CNTN4: variants seen among roughly 807,000 people sequenced by gnomAD.
CNTN4 encodes contactin 4.
A neutral mutation model predicts 122.5 loss-of-function variants in CNTN4; 77 were observed. The observed-to-expected ratio is 0.63, with a 90% CI of 0.52 to 0.76. The LOEUF (loss-of-function observed/expected upper bound fraction) is 0.76, where lower values mean the gene tolerates loss of function less well. Ranked by LOEUF, CNTN4 falls within the 30% of genes least tolerant of loss-of-function variation. The pLI is 0.00. For synonymous variants in CNTN4, 512 were observed against 447.0 expected, an observed-to-expected ratio of 1.15 and a Z score of -1.83; for missense variants, 1,256 against 1,259.1, an observed-to-expected ratio of 1.00 and a Z score of 0.04.
chr3:3,036,304 CTG>C (rs1281600897), intron 17 of CNTN4, among the ~76,000 whole-genome samples: 1 of 152,068 alleles, frequency 6.6e-6, no homozygotes, highest in Non-Finnish European at 1.5e-5. Context: ...AAATGGGTTT[CTG>C]TGTTTCCTTC....
At chr3:2,445,517 A>G (rs1352409560) in intron 3 of CNTN4, among the ~76,000 whole-genome samples, 1 of 152,178 alleles carries the variant, frequency 6.6e-6, no homozygotes, top group East Asian at 1.9e-4. Context: ...CGCTTGAAAA[A>G]CATTTTATAT....
intron 2 of CNTN4, among the ~76,000 whole-genome samples, chr3:2,122,055 T>G (rs1414814095): frequency 6.6e-6 from 1 of 151,230 alleles, no homozygotes; most frequent in Non-Finnish European, 1.5e-5. Flanking sequence ...CTCGGGAGGC[T>G]GAGGCAGGAG....
At chr3:2,474,306 A>G (rs2075777740) in intron 3 of CNTN4, among the ~76,000 whole-genome samples, 1 of 152,190 alleles carries the variant, frequency 6.6e-6, no homozygotes, top group Non-Finnish European at 1.5e-5. Context: ...TGCTTGGGGC[A>G]TGCAGCTTAA....
chr3:2,995,738 G>T (rs531670952), intron 14 of CNTN4, among the ~76,000 whole-genome samples: 1 of 152,270 alleles, frequency 6.6e-6, no homozygotes, highest in East Asian at 1.9e-4. Flanking sequence ...ACATCTAACA[G>T]TACCTTTTGT....
chr3:2,858,181 C>T (rs2093635930), intron 7 of CNTN4, among the ~76,000 whole-genome samples: 1 of 152,188 alleles, frequency 6.6e-6, no homozygotes, highest in African/African-American at 2.4e-5. Flanking sequence ...AACAGTGTTT[C>T]TCAGAGTGTG....
intron 6 of CNTN4, among the ~76,000 whole-genome samples, chr3:2,749,132 A>AAC (rs756144313): frequency 3.5e-4 from 53 of 152,120 alleles, no homozygotes; most frequent in Non-Finnish European, 5.6e-4. Context: ...ACTTTTACAT[A>AAC]ACAGTATCTT....
chr3:2,891,337 C>A (rs907102483), intron 10 of CNTN4, among the ~76,000 whole-genome samples: 1 of 152,114 alleles, frequency 6.6e-6, no homozygotes, highest in African/African-American at 2.4e-5. Flanking sequence ...GTCCCAACTA[C>A]ACGGGAGGCT....
At chr3:2,222,984 A>G (rs1244561909) in intron 2 of CNTN4, among the ~76,000 whole-genome samples, 2 of 152,232 alleles carry the variant, frequency 1.3e-5, no homozygotes, top group Non-Finnish European at 2.9e-5. Context: ...ACTTAAGTAT[A>G]TCACAGGGAA....
intron 3 of CNTN4, among the ~76,000 whole-genome samples, chr3:2,421,212 T>C (rs866037132): frequency 2.0e-5 from 3 of 151,584 alleles, no homozygotes; most frequent in African/African-American, 4.8e-5. Flanking sequence ...TAGAGGTGAC[T>C]AGGAGTGAGC....
At chr3:2,244,138 T>G in intron 2 of CNTN4, among the ~76,000 whole-genome samples, 1 of 151,696 alleles carries the variant, frequency 6.6e-6, no homozygotes, top group Admixed American at 6.6e-5. Flanking sequence ...TGATAAAGTT[T>G]AATTTATAAA....
chr3:2,360,305 AT>A (rs1358226811), intron 3 of CNTN4, among the ~76,000 whole-genome samples: 2 of 152,162 alleles, frequency 1.3e-5, no homozygotes, highest in Non-Finnish European at 2.9e-5. Flanking sequence ...GTAAAAAAAA[AT>A]ATTTTACTGT....
At chr3:2,629,612 T>C (rs747012725) in intron 4 of CNTN4, 29 of 441,434 alleles carry the variant, frequency 6.6e-5, no homozygotes, top group Non-Finnish European at 1.2e-4. Flanking sequence ...TAGAAAAGCC[T>C]AAGTTACAGC....
chr3:2,794,335 A>AAC (rs899508327), intron 6 of CNTN4, among the ~76,000 whole-genome samples: 1 of 152,186 alleles, frequency 6.6e-6, no homozygotes, highest in Non-Finnish European at 1.5e-5. Flanking sequence ...ATCAACAATT[A>AAC]ACAGTTCACA....
At chr3:2,413,838 G>T (rs2047316291) in intron 3 of CNTN4, among the ~76,000 whole-genome samples, 1 of 152,126 alleles carries the variant, frequency 6.6e-6, no homozygotes, top group Admixed American at 6.6e-5. Context: ...ACTGCGCCCG[G>T]CCCATGATTT....
In CNTN4 at chr3:2,180,445, G is replaced by T. The variant is rs139865854; in HGVS notation, c.-145+79806G>T. Among the ~76,000 whole-genome samples the T allele has an allele frequency of 5.9e-5, 9 of 152,070 alleles. No individual in the cohort carries two copies. The East Asian group carries it at 1.5e-3, about 26-fold the overall frequency. On this transcript the variant is annotated intron_variant, in intron 2 of 24. Transcript: ENST00000418658. The stretch of plus-strand genomic sequence containing the variant: ...GCTATCATCTTTGACCACAGATTTT[G>T]TCTCATGCTTTTCAAATAAGAAACA...
intron 13 of CNTN4, among the ~76,000 whole-genome samples, chr3:2,940,155 G>C (rs761957843): frequency 1.3e-5 from 2 of 152,218 alleles, no homozygotes; most frequent in Admixed American, 6.5e-5. Flanking sequence ...AAAAGCAAAA[G>C]GGCTGTGGAC....
chr3:2,807,533 G>A (rs904799829), intron 6 of CNTN4, among the ~76,000 whole-genome samples: 1 of 151,386 alleles, frequency 6.6e-6, no homozygotes, highest in Non-Finnish European at 1.5e-5. Context: ...TCAGCATCCA[G>A]TATCCCAAGA....
At chr3:2,706,205 G>A (rs1442516110) in intron 4 of CNTN4, among the ~76,000 whole-genome samples, 2 of 151,626 alleles carry the variant, frequency 1.3e-5, no homozygotes, top group African/African-American at 4.8e-5. Context: ...GTGACATAAT[G>A]CATAATGCCT....
Position 2,385,592 on chromosome 3 carries a change from G to C in CNTN4, c.-89+46359G>C, listed in dbSNP as rs1284268672. The stretch of plus-strand genomic sequence containing the variant: ...CTGTGCTCCGTCTGTAACCTCTAGG[G>C]GAGGGTCGCATCTCTCAGCTTCTGT... On this transcript the variant is annotated intron_variant, in intron 3 of 24. Coordinates refer to ENST00000418658, the MANE Select transcript of CNTN4 (RefSeq NM_175607.3). The surrounding 1 kb of genome is among the most constrained non-coding windows in gnomAD (Gnocchi z 4.0). 6.6e-6 allele frequency among the ~76,000 whole-genome samples: 1 copy of C among 152,004 alleles called. No individual in the cohort carries two copies. The highest frequency in any genetic ancestry group is 1.5e-5 in the Non-Finnish European group (1 of 68,010).
Sources: gnomAD v4.1 joint callset for allele counts (sites outside exome capture counted in the v4.1 genomes callset) on GRCh38, gnomAD v4.1.1 for gene constraint, Gnocchi (gnomAD v3.1) non-coding constraint, MANE v1.5 for transcripts, NCBI Gene and HGNC (gene_info 2026-07-23, HGNC 2026-07-21) for gene names.